DOCK10: variants seen among roughly 807,000 people sequenced by gnomAD.
DOCK10 encodes the protein dedicator of cytokinesis 10.
A neutral mutation model predicts 280.1 loss-of-function variants in DOCK10; 145 were observed. That is an observed-to-expected ratio of 0.52 (90% CI 0.45 to 0.59). DOCK10 has a LOEUF of 0.59. Among genes scored for constraint, DOCK10 ranks in the 20% least tolerant of loss-of-function variants. The probability of loss-of-function intolerance (pLI) is 0.00; values close to 1 mark genes in which losing one functional copy is unlikely to be tolerated. For synonymous variants in DOCK10, 915 were observed against 942.2 expected, an observed-to-expected ratio of 0.97 and a Z score of 0.53; for missense variants, 2,368 against 2,651.7, an observed-to-expected ratio of 0.89 and a Z score of 2.35.
intron 1 of DOCK10, among the ~76,000 whole-genome samples, chr2:224,965,932 C>A (rs917736421): frequency 1.3e-5 from 2 of 152,116 alleles, no homozygotes; most frequent in African/African-American, 4.8e-5. Flanking sequence ...CTCTTATATA[C>A]AAAAATGTAC....
chr2:224,962,152 C>T (rs1704486538), intron 1 of DOCK10, among the ~76,000 whole-genome samples: 1 of 152,176 alleles, frequency 6.6e-6, no homozygotes, highest in African/African-American at 2.4e-5. Context: ...CACATCTCTA[C>T]CAGGAATCAT....
At chr2:225,031,683 C>T (rs1690082427) in intron 1 of DOCK10, among the ~76,000 whole-genome samples, 2 of 152,146 alleles carry the variant, frequency 1.3e-5, no homozygotes, top group South Asian at 2.1e-4. Context: ...GTATGTTCTG[C>T]TCATGTGGGT....
At chr2:224,865,484 T>C (rs1359832244) in intron 11 of DOCK10, among the ~76,000 whole-genome samples, 1 of 152,238 alleles carries the variant, frequency 6.6e-6, no homozygotes, top group Non-Finnish European at 1.5e-5. Flanking sequence ...CTCTGTTTTT[T>C]ATCACAGCTT....
At chr2:224,973,646 G>A (rs987891731) in intron 1 of DOCK10, among the ~76,000 whole-genome samples, 7 of 152,126 alleles carry the variant, frequency 4.6e-5, no homozygotes, top group Admixed American at 1.3e-4. Context: ...TGTAATACAC[G>A]TGTTTTAACT....
In DOCK10 at chr2:224,787,112, G is replaced by A. The variant is rs377144071; in HGVS notation, c.5565C>T (p.Asp1855=). ...CCACTTTCAGATATGACCGATGAAT[G>A]TCGTAGTAGAGATCTGACAATTTCT... is the stretch of plus-strand genomic sequence containing the variant. The part of the protein sequence containing the change: ...DFKKLSDLYY[D]IHRSYLKVAE... The change falls in exon 50 of 56, where the codon GAC becomes GAT. Residue 1855 remains aspartate, a synonymous_variant. Coordinates refer to ENST00000258390, the MANE Select transcript of DOCK10 (RefSeq NM_014689.3). The A allele has an allele frequency of 6.2e-6, 10 of 1,613,908 alleles. No individual in the cohort carries two copies. The highest frequency in any genetic ancestry group is 2.7e-5 in the African/African-American group (2 of 75,064).
intron 1 of DOCK10, among the ~76,000 whole-genome samples, chr2:224,999,702 C>G (rs534996489): frequency 1.6e-5 from 2 of 128,274 alleles, no homozygotes; most frequent in Non-Finnish European, 3.2e-5. Context: ...TCCATAAACA[C>G]TATAATGGTG....
chr2:224,851,645 C>T (rs1250122593), intron 18 of DOCK10, among the ~76,000 whole-genome samples: 1 of 151,914 alleles, frequency 6.6e-6, no homozygotes, highest in Admixed American at 6.6e-5. Context: ...TAGTTTTGTC[C>T]TCTACTACCT....
At chr2:224,959,920 A>C (rs1704266772) in intron 1 of DOCK10, among the ~76,000 whole-genome samples, 1 of 152,136 alleles carries the variant, frequency 6.6e-6, no homozygotes, top group South Asian at 2.1e-4. Flanking sequence ...TGCTGGAGAA[A>C]AAGGCAGAGT....
intron 2 of DOCK10, among the ~76,000 whole-genome samples, chr2:224,926,852 T>G (rs1702069301): frequency 6.6e-6 from 1 of 152,210 alleles, no homozygotes; most frequent in Admixed American, 6.5e-5. Context: ...ATGAAATAAA[T>G]ATTTATTTTC....
intron 1 of DOCK10, among the ~76,000 whole-genome samples, chr2:224,986,488 C>T (rs933270948): frequency 4.6e-5 from 7 of 152,086 alleles, no homozygotes; most frequent in African/African-American, 7.2e-5. Context: ...GAACCCTGAG[C>T]GCCAATGTGA....
chr2:224,933,623 C>T (rs899879834), intron 1 of DOCK10, among the ~76,000 whole-genome samples: 1 of 152,150 alleles, frequency 6.6e-6, no homozygotes, highest in African/African-American at 2.4e-5. Context: ...GAAGCTCTTA[C>T]GTCTGCCTTA....
At chr2:224,781,455 C>T (rs150526230) in intron 50 of DOCK10, among the ~76,000 whole-genome samples, 1 of 152,286 alleles carries the variant, frequency 6.6e-6, no homozygotes, top group East Asian at 1.9e-4. Flanking sequence ...GGAATGCATG[C>T]TTACCTTATA....
chr2:224,901,246 A>T (rs570369877), intron 3 of DOCK10, among the ~76,000 whole-genome samples: 9 of 152,304 alleles, frequency 5.9e-5, no homozygotes, highest in Admixed American at 4.6e-4. Context: ...GCAAATTCAA[A>T]GTCACAGGCT....
At chr2:224,867,272 C>T (rs1235560919) in intron 11 of DOCK10, among the ~76,000 whole-genome samples, 1 of 152,142 alleles carries the variant, frequency 6.6e-6, no homozygotes, top group East Asian at 1.9e-4. Flanking sequence ...ATCTCATTAC[C>T]ATGAATCTGT....
chr2:224,983,967 T>A (rs1229924352), intron 1 of DOCK10, among the ~76,000 whole-genome samples: 1 of 152,174 alleles, frequency 6.6e-6, no homozygotes, highest in Non-Finnish European at 1.5e-5. Context: ...CCTGTCTGGC[T>A]TGTGTGTATT....
chr2:225,039,689 TCTCTC>T (rs1690363299), intron 1 of DOCK10, among the ~76,000 whole-genome samples: 1 of 10,356 alleles, frequency 9.7e-5, no homozygotes, highest in African/African-American at 1.9e-4. Context: ...TCCTGTCTTC[TCTCTC>T]TCTCTCTCTC....
At chr2:225,038,722 T>C (rs1479565863) in intron 1 of DOCK10, among the ~76,000 whole-genome samples, 1 of 152,150 alleles carries the variant, frequency 6.6e-6, no homozygotes, top group Non-Finnish European at 1.5e-5. Context: ...GCATTAAAAG[T>C]GCATGTAACT....
chr2:225,025,563 T>C (rs1047648532), intron 1 of DOCK10, among the ~76,000 whole-genome samples: 2 of 152,202 alleles, frequency 1.3e-5, no homozygotes, highest in African/African-American at 4.8e-5. Context: ...AAAGAAATCA[T>C]GGGCCTAGAA....
chr2:224,793,141 A>G (rs1323115640), intron 46 of DOCK10, 69 bp from the exon 47 acceptor site: 1 of 1,192,548 alleles, frequency 8.4e-7, no homozygotes, highest in Non-Finnish European at 1.2e-6. Context: ...TAGAGACTAC[A>G]AATCGTTAGC....
Sources: gnomAD v4.1 joint callset for allele counts (sites outside exome capture counted in the v4.1 genomes callset) on GRCh38, gnomAD v4.1.1 for gene constraint, MANE v1.5 for transcripts, NCBI Gene and HGNC (gene_info 2026-07-23, HGNC 2026-07-21) for gene names.